Variants in KDM4B observed in about 807,000 individuals in gnomAD.
KDM4B encodes lysine demethylase 4B.
A neutral mutation model predicts 125.2 loss-of-function variants in KDM4B; 32 were observed. The observed-to-expected ratio is 0.26, with a 90% CI of 0.19 to 0.34. KDM4B has a LOEUF of 0.34. Ranked by LOEUF, KDM4B falls within the 10% of genes least tolerant of loss-of-function variation. The pLI is 1.00. For missense variants in KDM4B, 1,190 were observed against 1,577.7 expected (o/e 0.75, Z 4.16); for synonymous variants, 721 against 677.9 (o/e 1.06, Z -0.99).
At chr19:4,985,712 G>A (rs1012685263) in intron 1 of KDM4B, among the ~76,000 whole-genome samples, 4 of 152,340 alleles carry the variant, frequency 2.6e-5, no homozygotes, top group South Asian at 2.1e-4. Context: ...GATGGTGAGC[G>A]GATGAGCTGG....
intron 1 of KDM4B, among the ~76,000 whole-genome samples, chr19:4,984,862 G>T (rs2034774057): frequency 6.6e-6 from 1 of 152,114 alleles, no homozygotes; most frequent in South Asian, 2.1e-4. Context: ...CTGGGGGTCT[G>T]GCACCTGCTC....
chr19:5,105,247 G>A (rs372652817), intron 9 of KDM4B, among the ~76,000 whole-genome samples: 39 of 152,358 alleles, frequency 2.6e-4, no homozygotes, highest in African/African-American at 9.1e-4. Context: ...CCCGGAAGCC[G>A]GTAGTGGGGC....
intron 6 of KDM4B, among the ~76,000 whole-genome samples, chr19:5,056,423 T>G (rs1241673766): frequency 1.3e-5 from 2 of 150,776 alleles, no homozygotes; most frequent in Non-Finnish European, 3.0e-5. Flanking sequence ...TTTTTTTTTT[T>G]GAGATGGAGT....
chr19:5,066,412 A>G (rs2037771088), intron 6 of KDM4B, among the ~76,000 whole-genome samples: 1 of 151,740 alleles, frequency 6.6e-6, no homozygotes, highest in South Asian at 2.1e-4. Flanking sequence ...CCATGGGCCT[A>G]GGAGGTCACT....
chr19:5,119,341 G>C (rs1188207583), intron 10 of KDM4B: 2 of 713,228 alleles, frequency 2.8e-6, no homozygotes, highest in African/African-American at 3.6e-5. Context: ...GCCCCGTCCC[G>C]CCCGTCATCC....
At chr19:5,062,428 G>A (rs2620810) in intron 6 of KDM4B, among the ~76,000 whole-genome samples, 47 of 152,314 alleles carry the variant, frequency 3.1e-4, no homozygotes, top group African/African-American at 1.0e-3. Flanking sequence ...CCTCCCGTCC[G>A]TCCCCATGCG....
intron 2 of KDM4B, among the ~76,000 whole-genome samples, chr19:5,032,290 A>AATCCCCCATTCT (rs2036483134): frequency 6.6e-6 from 1 of 152,216 alleles, no homozygotes; most frequent in Non-Finnish European, 1.5e-5. Context: ...CTATGATGGC[A>AATCCCCCATTCT]GGAAATGAGC....
intron 18 of KDM4B, 33 bp downstream of exon 18, chr19:5,138,103 G>T (rs1258416272): frequency 1.3e-6 from 2 of 1,533,324 alleles, no homozygotes; most frequent in South Asian, 2.3e-5. Context: ...CACCCTGCCC[G>T]TGCCTCTAGG....
chr19:5,011,145 G>T (rs1267777507), intron 1 of KDM4B, among the ~76,000 whole-genome samples: 1 of 152,200 alleles, frequency 6.6e-6, no homozygotes. Flanking sequence ...CCTGCAGGGC[G>T]ATCTGGGCTC....
chr19:5,103,022 T>C (rs968262702), intron 9 of KDM4B, among the ~76,000 whole-genome samples: 2 of 152,122 alleles, frequency 1.3e-5, no homozygotes, highest in Admixed American at 6.5e-5. Flanking sequence ...CGTACCCACC[T>C]CTCCCACACA....
At chr19:5,132,452 C>T (rs1020238615) in intron 13 of KDM4B, among the ~76,000 whole-genome samples, 5 of 152,178 alleles carry the variant, frequency 3.3e-5, no homozygotes, top group African/African-American at 4.8e-5. Flanking sequence ...GCCAGTTTTT[C>T]AACTTCTGCT....
chr19:5,101,531 A>G (rs1390100104), intron 9 of KDM4B, among the ~76,000 whole-genome samples: 1 of 146,390 alleles, frequency 6.8e-6, no homozygotes, highest in Non-Finnish European at 1.5e-5. Flanking sequence ...AGACTGTCTG[A>G]AAAAAAAAAA....
At chr19:4,977,373 C>T (rs2034484173) in intron 1 of KDM4B, among the ~76,000 whole-genome samples, 1 of 152,206 alleles carries the variant, frequency 6.6e-6, no homozygotes, top group Admixed American at 6.5e-5. Flanking sequence ...GCAGACCTGG[C>T]CCCGTTTGCT....
intron 3 of KDM4B, 24 bp downstream of exon 3, chr19:5,033,055 G>A (rs758071920): frequency 2.3e-5 from 37 of 1,609,588 alleles, no homozygotes; most frequent in Middle Eastern, 1.7e-4. Flanking sequence ...TGGCCCCAGC[G>A]CGGCCCTCCA....
intron 9 of KDM4B, among the ~76,000 whole-genome samples, chr19:5,089,161 C>G (rs1912075034): frequency 6.6e-6 from 1 of 152,166 alleles, no homozygotes; most frequent in South Asian, 2.1e-4. Context: ...CGTCGCACAC[C>G]TGGTGAATTG....
intron 2 of KDM4B, among the ~76,000 whole-genome samples, chr19:5,020,152 G>C (rs1053231823): frequency 1.8e-5 from 2 of 112,782 alleles, no homozygotes; most frequent in African/African-American, 5.6e-5. Context: ...TTGGTGTGCA[G>C]GTGTTGGTGT....
intron 9 of KDM4B, among the ~76,000 whole-genome samples, chr19:5,105,661 T>G (rs1410846572): frequency 1.3e-5 from 2 of 152,180 alleles, no homozygotes; most frequent in Non-Finnish European, 2.9e-5. Flanking sequence ...GGTTTTGAAC[T>G]CCTGGCCTCA....
intron 6 of KDM4B, chr19:5,070,695 T>G (rs896531707): frequency 1.9e-5 from 5 of 269,378 alleles, no homozygotes; most frequent in Middle Eastern, 1.1e-3. Flanking sequence ...TTTTGTTTTT[T>G]GCCTTTTCAG....
rs543177341 is a variant in KDM4B, at chr19:5,072,933, A to G, written c.676+1874A>G. On this transcript the variant is annotated intron_variant, in intron 7 of 22. Coordinates refer to ENST00000159111, the MANE Select transcript of KDM4B (RefSeq NM_015015.3). ...TTCTGCCTTCCCTTCTCCAGCATCTAGAGGCCACCTGCATCCCTTGACTTG... is the reference window on the plus strand; with the variant it reads ...TTCTGCCTTCCCTTCTCCAGCATCTGGAGGCCACCTGCATCCCTTGACTTG... Among the ~76,000 whole-genome samples the G allele has an allele frequency of 1.1e-4, 16 of 152,098 alleles. No homozygotes were observed. In the East Asian group the frequency reaches 2.9e-3, roughly 28 times the overall value.
Sources: allele counts gnomAD v4.1 joint callset (sites outside exome capture counted in the v4.1 genomes callset), GRCh38; gene constraint gnomAD v4.1.1; transcripts MANE v1.5; gene names NCBI Gene and HGNC (gene_info 2026-07-23, HGNC 2026-07-21).